The following MYCBP2 variants were observed in gnomAD, a reference collection of about 807,000 sequenced individuals.
MYCBP2 encodes MYC binding protein 2.
MYCBP2 carries 120 observed loss-of-function variants against 525.3 expected under a neutral mutation model. That is an observed-to-expected ratio of 0.23 (90% CI 0.20 to 0.27). MYCBP2 has a LOEUF of 0.27. Among genes scored for constraint, MYCBP2 ranks in the 10% least tolerant of loss-of-function variants. The pLI is 1.00. For missense variants in MYCBP2, 4,149 were observed against 5,657.1 expected (o/e 0.73, Z 8.55); for synonymous variants, 1,894 against 1,955.8 (o/e 0.97, Z 0.83).
At chr13:77,277,906 T>G (rs1394910871) in intron 4 of MYCBP2, among the ~76,000 whole-genome samples, 1 of 152,208 alleles carries the variant, frequency 6.6e-6, no homozygotes, top group Non-Finnish European at 1.5e-5. Context: ...AATTAACCAG[T>G]TAAAAATTAT....
chr13:77,189,489 C>A (rs1171204489), intron 29 of MYCBP2, among the ~76,000 whole-genome samples: 1 of 151,994 alleles, frequency 6.6e-6, no homozygotes, highest in Admixed American at 6.6e-5. Flanking sequence ...AACGAAAAAA[C>A]CTTTTGGGGA....
intron 8 of MYCBP2, among the ~76,000 whole-genome samples, chr13:77,265,792 G>A (rs748381139): frequency 2.6e-5 from 4 of 152,270 alleles, no homozygotes; most frequent in South Asian, 2.1e-4. Context: ...AGGCTTGAGG[G>A]AGGAGTCTTC....
rs537825099 is a variant in MYCBP2, at chr13:77,210,484, A to G, written c.3416+683T>C. On this transcript the variant is annotated intron_variant, in intron 23 of 82. Transcript: ENST00000544440. ...TGGGATTACAGGCGTGAGCCACCGCACCCGGCCCAGCACCACAATAAATTT... is the reference window on the plus strand; with the variant it reads ...TGGGATTACAGGCGTGAGCCACCGCGCCCGGCCCAGCACCACAATAAATTT... Among the ~76,000 whole-genome samples, 249 of 151,934 alleles carry G rather than the reference A, an allele frequency of 1.6e-3. 2 individuals carry two copies. The highest frequency in any genetic ancestry group is 2.4e-3 in the Non-Finnish European group (160 of 67,936).
At chr13:77,242,188 A>T (rs1394625983) in intron 17 of MYCBP2, among the ~76,000 whole-genome samples, 1 of 152,178 alleles carries the variant, frequency 6.6e-6, no homozygotes, top group Admixed American at 6.5e-5. Flanking sequence ...ATCATGGCTC[A>T]CTGCAAGCTC....
At position 77,230,999 on chromosome 13, in the gene MYCBP2, G is replaced by A. The variant is rs373289449; in HGVS notation, c.2737+2157C>T. On this transcript the variant is annotated intron_variant, in intron 18 of 82. Coordinates refer to ENST00000544440, the MANE Select transcript of MYCBP2 (RefSeq NM_015057.5). The stretch of plus-strand genomic sequence containing the variant: ...GGAGAGATAATTAAATGACAAGACA[G>A]TGAGTGTAAATGGTTAGTGGCTGGA... Among the ~76,000 whole-genome samples the A allele has an allele frequency of 5.3e-5, 8 of 152,314 alleles. 1 individual carries two copies. The highest frequency in any genetic ancestry group is 6.5e-5 in the Admixed American group (1 of 15,304).
intron 62 of MYCBP2, among the ~76,000 whole-genome samples, chr13:77,084,532 C>T (rs2043882659): frequency 6.6e-6 from 1 of 152,124 alleles, no homozygotes; most frequent in Non-Finnish European, 1.5e-5. Flanking sequence ...GCTTGGCATT[C>T]GACTTTGTTA....
At chr13:77,243,621 A>G (rs1224338464) in intron 16 of MYCBP2, among the ~76,000 whole-genome samples, 185 bp downstream of exon 16, 11 of 99,440 alleles carry the variant, frequency 1.1e-4, no homozygotes, top group Admixed American at 1.0e-3. Flanking sequence ...TCAAAAAAAG[A>G]AAAAAAAAAA....
chr13:77,088,274 G>A (rs1311664472), intron 61 of MYCBP2, among the ~76,000 whole-genome samples: 1 of 151,914 alleles, frequency 6.6e-6, no homozygotes, highest in Admixed American at 6.6e-5. Flanking sequence ...TTTCCAACTT[G>A]CATCTGGATG....
In MYCBP2 at chr13:77,093,326, A is replaced by G. The variant is rs779864467; in HGVS notation, c.10206T>C (p.His3402=). ...CTTGATAGCCCACAAAATTTTCATGATGATGCCTGCATTAAATCAAACCCA... is the reference window on the plus strand; with the variant it reads ...CTTGATAGCCCACAAAATTTTCATGGTGATGCCTGCATTAAATCAAACCCA... The part of the protein sequence containing the change: ...CLYLQTLARH[H]HENFVGYQDD... Residue 3402 remains histidine, a synonymous_variant, in exon 59 of 83, where the codon CAT becomes CAC. Coordinates refer to ENST00000544440, the MANE Select transcript of MYCBP2 (RefSeq NM_015057.5). 2 of 1,612,982 alleles carry G rather than the reference A, an allele frequency of 1.2e-6. No homozygotes were observed. The highest frequency in any genetic ancestry group is 4.5e-5 in the East Asian group (2 of 44,830).
rs1375761508 is a variant in MYCBP2, at chr13:77,166,450, A to G, written c.6219T>C (p.Thr2073=). ...DVLRLLIPVR[T]VQNSGYGPKL... ...TTGGTCCATATCCTGAATTCTGAAC[A>G]GTTCTGACAGGAATCAACAAACGAA... is the stretch of plus-strand genomic sequence containing the variant. Residue 2073 remains threonine (T), a synonymous_variant, in exon 41 of 83, where the codon ACT becomes ACC. Transcript: ENST00000544440. 1.2e-6 allele frequency: 2 copies of G among 1,613,942 alleles called. No individual in the cohort carries two copies. Among genetic ancestry groups the G allele is most frequent in the East Asian group, 4.5e-5 (2 of 44,890 alleles).
At position 77,097,857 on chromosome 13, in the gene MYCBP2, C is replaced by G. The variant is rs143350113; in HGVS notation, c.9297G>C (p.Met3099Ile). 17 of 1,613,370 alleles carry G rather than the reference C, an allele frequency of 1.1e-5. No homozygotes were observed. Among genetic ancestry groups the G allele is most frequent in the Non-Finnish European group, 1.3e-5 (15 of 1,179,798 alleles). Residue 3099 changes from methionine (M) to isoleucine (I), a missense_variant, in exon 56 of 83, where the codon ATG (methionine) becomes ATC (isoleucine). By Grantham distance (10) the Met-to-Ile change is conservative (BLOSUM62 1). Around this residue, in one of 21 missense-constraint regions of MYCBP2, gnomAD observed 653 missense variants for 744.7 expected, o/e 0.88. Coordinates refer to ENST00000544440, the MANE Select transcript of MYCBP2 (RefSeq NM_015057.5). ...HSLEISSALN[M>I]FNIAPHGPDI... ...CTGGTCCATGGGGTGCAATATTAAACATATTCAGTGCAGATGATATTTCTA... is the reference window on the plus strand; with the variant it reads ...CTGGTCCATGGGGTGCAATATTAAAGATATTCAGTGCAGATGATATTTCTA...
intron 60 of MYCBP2, among the ~76,000 whole-genome samples, chr13:77,089,255 CAG>C (rs1412120579): frequency 6.6e-6 from 1 of 152,030 alleles, no homozygotes; most frequent in Non-Finnish European, 1.5e-5. Context: ...GGTTTTGAAT[CAG>C]AGCTGAATCT....
Position 77,081,359 on chromosome 13 carries a change from A to G in MYCBP2, c.11418+68T>C, listed in dbSNP as rs548351742. 5.3e-6 allele frequency: 7 copies of G among 1,331,326 alleles called. No individual in the cohort carries two copies. Among genetic ancestry groups the G allele is most frequent in the Middle Eastern group, 5.3e-4 (2 of 3,742 alleles). The allele number at this position is 1,331,326 out of a possible 1,614,324, so 82.5% of individuals were successfully genotyped here. A position where few individuals can be genotyped will look rare whatever the true frequency, so the allele number is the denominator to read the frequency against. On this transcript the variant is annotated intron_variant, in intron 65 of 82. Transcript: ENST00000544440. This position sits in a 1 kb window ranked among gnomAD's most constrained non-coding sequence, Gnocchi z 4.6. ...GATAAAGCTTGTTGCTAAATTCAGA[A>G]ATGAAAGTGCATGAATACTAAGATC...
At chr13:77,154,560 A>G (rs1333052119) in intron 46 of MYCBP2, among the ~76,000 whole-genome samples, 1 of 152,156 alleles carries the variant, frequency 6.6e-6, no homozygotes, top group Non-Finnish European at 1.5e-5. Flanking sequence ...AGAAAACACA[A>G]GAAAGAAAAT....
chr13:77,106,009 A>T (rs1054707680), intron 55 of MYCBP2, among the ~76,000 whole-genome samples: 1 of 152,146 alleles, frequency 6.6e-6, no homozygotes, highest in Non-Finnish European at 1.5e-5. Flanking sequence ...TGATAATAAT[A>T]AAACCGTGTA....
intron 14 of MYCBP2, among the ~76,000 whole-genome samples, chr13:77,255,139 T>C (rs1180598509): frequency 6.6e-6 from 1 of 152,004 alleles, no homozygotes; most frequent in Non-Finnish European, 1.5e-5. Context: ...CTAGATCATG[T>C]GGCAGCTCCA....
chr13:77,206,297 C>T (rs1168603658), intron 24 of MYCBP2, among the ~76,000 whole-genome samples: 1 of 150,392 alleles, frequency 6.6e-6, no homozygotes, highest in East Asian at 1.9e-4. Context: ...ATATAAAATT[C>T]ATTACATTTT....
chr13:77,291,840 C>A (rs2077513741), intron 2 of MYCBP2, among the ~76,000 whole-genome samples: 1 of 151,966 alleles, frequency 6.6e-6, no homozygotes, highest in South Asian at 2.1e-4. Context: ...ACGCTGCAGG[C>A]ATGATTGCTT....
chr13:77,082,196 T>C, intron 63 of MYCBP2: 1 of 478,504 alleles, frequency 2.1e-6, no homozygotes, highest in South Asian at 3.7e-5. Context: ...ACAAGGTAAA[T>C]TCTAAGGAAA....
Sources: gnomAD v4.1 joint callset for allele counts (sites outside exome capture counted in the v4.1 genomes callset) on GRCh38, gnomAD v4.1.1 for gene constraint, gnomAD v4.1.1 regional missense constraint, Gnocchi (gnomAD v3.1) non-coding constraint, MANE v1.5 for transcripts, NCBI Gene and HGNC (gene_info 2026-07-23, HGNC 2026-07-21) for gene names.